Variants in CDH8 observed in about 807,000 individuals in gnomAD.
The protein encoded by CDH8 is cadherin-8.
In CDH8, 17 loss-of-function variants were observed where a neutral mutation model predicts 68.1. That is an observed-to-expected ratio of 0.25 (90% CI 0.17 to 0.37). The LOEUF is 0.37. CDH8 is among the 10% of genes least tolerant of loss of function. The pLI, the probability that CDH8 is intolerant of heterozygous loss-of-function variation, is 1.00. For synonymous variants in CDH8, 372 were observed against 365.1 expected (o/e 1.02, Z -0.21); for missense variants, 763 against 999.3 (o/e 0.76, Z 3.19).
At position 61,647,674 on chromosome 16, in the gene CDH8, G is replaced by A. The variant is rs967388269; in HGVS notation, c.*5934C>T. 3.0e-5 allele frequency: 19 copies of A among 626,938 alleles called. No homozygotes were observed. Among genetic ancestry groups the A allele is most frequent in the African/African-American group, 1.5e-4 (8 of 54,058 alleles). 38.8% of individuals were successfully genotyped at this position (626,938 alleles called of 1,614,324 possible). A position where few individuals can be genotyped will look rare whatever the true frequency, so the allele number is the denominator to read the frequency against. On this transcript the variant is annotated 3_prime_UTR_variant, in exon 12 of 12. Transcript: ENST00000577390. ...TCATGGTCCATCTTAGAGCATAATT[G>A]TTAAAATTTTCCTCTTATTTTTGAG...
chr16:61,988,849 C>T (rs1041731933), intron 2 of CDH8, among the ~76,000 whole-genome samples: 36 of 151,926 alleles, frequency 2.4e-4, no homozygotes, highest in African/African-American at 8.5e-4. Context: ...CCAGGAAATC[C>T]CAATCTTAGG....
chr16:61,744,832 T>C (rs1318470527), intron 8 of CDH8, among the ~76,000 whole-genome samples: 3 of 151,430 alleles, frequency 2.0e-5, no homozygotes, highest in South Asian at 2.1e-4. Flanking sequence ...GCATTGTTTA[T>C]GATAATTTAT....
At chr16:61,662,163 T>C (rs1369109637) in intron 10 of CDH8, among the ~76,000 whole-genome samples, 2 of 148,836 alleles carry the variant, frequency 1.3e-5, no homozygotes, top group African/African-American at 4.9e-5. Flanking sequence ...AGAACAGTCA[T>C]ATAAGTGATA....
rs191428159 is a variant in CDH8 at position 61,835,123 on chromosome 16, C to G, written c.668-9944G>C. ...ATGATTCTGTTTGACAGGCATGGCT[C>G]TGTCATATAGGTTTTATATATTAAC... On this transcript the variant is annotated intron_variant, in intron 4 of 11. Transcript: ENST00000577390. Among the ~76,000 whole-genome samples the G allele has an allele frequency of 6.6e-3, 1,000 of 152,022 alleles. 13 individuals are homozygous for G. Among genetic ancestry groups the G allele is most frequent in the Admixed American group, 0.028 (421 of 15,236 alleles).
At chr16:61,672,862 T>C (rs1963825813) in intron 10 of CDH8, among the ~76,000 whole-genome samples, 1 of 152,108 alleles carries the variant, frequency 6.6e-6, no homozygotes, top group Non-Finnish European at 1.5e-5. Context: ...AAAGTGGTTT[T>C]CAAGCAAATG....
In CDH8 at chr16:61,653,322, C is replaced by T; in HGVS notation, c.*286G>A. 2 of 1,210,250 alleles carry T rather than the reference C, an allele frequency of 1.7e-6. No individual in the cohort carries two copies. The highest frequency in any genetic ancestry group is 2.0e-6 in the Non-Finnish European group (2 of 976,036). 75.0% of individuals were successfully genotyped at this position (1,210,250 alleles called of 1,614,324 possible). A position where few individuals can be genotyped will look rare whatever the true frequency, so the allele number is the denominator to read the frequency against. The stretch of plus-strand genomic sequence containing the variant: ...TTAAACCATTTATCTAAGGATTAGC[C>T]AGGATCCCAATCTTTGTCTGTGGTG... On this transcript the variant is annotated 3_prime_UTR_variant, in exon 12 of 12. Transcript: ENST00000577390.
At chr16:61,863,088 G>T (rs1395764546) in intron 3 of CDH8, among the ~76,000 whole-genome samples, 1 of 152,066 alleles carries the variant, frequency 6.6e-6, no homozygotes, top group Non-Finnish European at 1.5e-5. Context: ...AATGATCCCT[G>T]TCACCACAAT....
At chr16:61,981,065 A>T (rs1965521206) in intron 2 of CDH8, among the ~76,000 whole-genome samples, 1 of 152,200 alleles carries the variant, frequency 6.6e-6, no homozygotes, top group African/African-American at 2.4e-5. Flanking sequence ...TATCTAGAAG[A>T]TTGCCTGGCA....
chr16:61,978,311 C>T (rs564567887), intron 2 of CDH8, among the ~76,000 whole-genome samples: 4 of 152,254 alleles, frequency 2.6e-5, no homozygotes, highest in East Asian at 1.9e-4. Flanking sequence ...TTCAAAGCTA[C>T]GACCTTTCTC....
intron 1 of CDH8, among the ~76,000 whole-genome samples, chr16:62,031,356 G>A (rs577882605): frequency 6.6e-6 from 1 of 152,242 alleles, no homozygotes; most frequent in Admixed American, 6.5e-5. Context: ...GAAAATTGTG[G>A]TAGATAAGTC....
At chr16:61,889,128 T>C (rs1395874690) in intron 3 of CDH8, among the ~76,000 whole-genome samples, 1 of 152,188 alleles carries the variant, frequency 6.6e-6, no homozygotes, top group Non-Finnish European at 1.5e-5. Flanking sequence ...AGGTGATACA[T>C]AGCTATATAT....
chr16:61,894,304 T>C (rs1014764943), intron 3 of CDH8, among the ~76,000 whole-genome samples: 2 of 152,166 alleles, frequency 1.3e-5, no homozygotes, highest in African/African-American at 4.8e-5. Context: ...GTGAAAGTCA[T>C]AAGTGAAGAA....
At chr16:61,862,116 AAAC>A (rs935015847) in intron 3 of CDH8, among the ~76,000 whole-genome samples, 6 of 136,330 alleles carry the variant, frequency 4.4e-5, no homozygotes, top group African/African-American at 1.8e-4. Context: ...GCTCAAAAGA[AAAC>A]ACACACAAAC....
rs565293000 is a variant in CDH8 at position 61,673,283 on chromosome 16, C to T, written c.1655-17562G>A. ...CCTTTTCTTCCTCACAGAATTCTTA[C>T]ATTCATGTATCTCTATTGACTGGAA... On this transcript the variant is annotated intron_variant, in intron 10 of 11. Coordinates refer to ENST00000577390, the MANE Select transcript of CDH8 (RefSeq NM_001796.5). 3.3e-5 allele frequency among the ~76,000 whole-genome samples: 5 copies of T among 152,168 alleles called. No individual in the cohort carries two copies. In the South Asian group the frequency reaches 1.0e-3, roughly 32 times the overall value.
At chr16:62,002,321 T>C (rs1022103904) in intron 2 of CDH8, among the ~76,000 whole-genome samples, 5 of 152,180 alleles carry the variant, frequency 3.3e-5, no homozygotes, top group African/African-American at 1.2e-4. Context: ...TAAGAGACTA[T>C]ATATCAGAAA....
At chr16:61,922,716 T>C (rs1310114610) in intron 2 of CDH8, among the ~76,000 whole-genome samples, 2 of 152,214 alleles carry the variant, frequency 1.3e-5, no homozygotes, top group Non-Finnish European at 2.9e-5. Flanking sequence ...ACTAATGCTA[T>C]GTCCAGGTTT....
chr16:61,683,677 A>G (rs529735297), intron 10 of CDH8, among the ~76,000 whole-genome samples: 11 of 152,116 alleles, frequency 7.2e-5, no homozygotes, highest in African/African-American at 1.9e-4. Flanking sequence ...CATGCATTGT[A>G]TTCACTAATA....
Position 61,820,955 on chromosome 16 carries a change from C to T in CDH8, c.994G>A (p.Ala332Thr), listed in dbSNP as rs574584035. ...CTTAGCCTTATAATGCCATCCTGGGCCTGGGCATCAGAAGTGATTTCAAAA... is the reference window on the plus strand; with the variant it reads ...CTTAGCCTTATAATGCCATCCTGGGTCTGGGCATCAGAAGTGATTTCAAAA... Reference protein sequence around the residue: ...ALFEITSDAQAQDGIIRLRKP... With the variant: ...ALFEITSDAQTQDGIIRLRKP... Residue 332 changes from alanine to threonine, a missense_variant, in exon 6 of 12, where the codon GCC becomes ACC. Physicochemically the swap from Ala to Thr is moderately conservative, Grantham distance 58. This residue lies in a region of CDH8 where 366 missense variants were observed against 563.1 expected (regional missense o/e 0.65). Transcript: ENST00000577390. The T allele has an allele frequency of 6.2e-7, 1 of 1,612,280 alleles. No homozygotes were observed. Among genetic ancestry groups the T allele is most frequent in the African/African-American group, 1.3e-5 (1 of 74,936 alleles).
intron 8 of CDH8, among the ~76,000 whole-genome samples, chr16:61,783,561 C>A (rs1421161903): frequency 6.6e-6 from 1 of 150,828 alleles, no homozygotes; most frequent in East Asian, 2.0e-4. Context: ...GGCAGGCCAA[C>A]GTTCAGATTC....
Sources: gnomAD v4.1 joint callset for allele counts (sites outside exome capture counted in the v4.1 genomes callset) on GRCh38, gnomAD v4.1.1 for gene constraint, gnomAD v4.1.1 regional missense constraint, MANE v1.5 for transcripts, NCBI Gene and HGNC (gene_info 2026-07-23, HGNC 2026-07-21) for gene names.